The following SH3BP2 variants were observed in gnomAD, a reference collection of about 807,000 sequenced individuals.
SH3BP2 encodes the protein SH3 domain binding protein 2, also known as SH3 domain-binding protein 2.
In SH3BP2, 38 loss-of-function variants were observed where a neutral mutation model predicts 56.2. The ratio of observed to expected loss-of-function variants is 0.68; its 90% CI spans 0.52 to 0.89. The LOEUF is 0.89. Ranked by LOEUF, SH3BP2 falls within the 40% of genes least tolerant of loss-of-function variation. The probability of loss-of-function intolerance (pLI) is 0.00; values close to 1 mark genes in which losing one functional copy is unlikely to be tolerated. For synonymous variants in SH3BP2, 346 were observed against 316.7 expected (o/e 1.09, Z -0.98); for missense variants, 748 against 762.6 (o/e 0.98, Z 0.23).
Position 2,829,652 on chromosome 4 carries a change from T to A in SH3BP2, c.746T>A (p.Leu249Gln). Residue 249 changes from leucine to glutamine, a missense_variant, in exon 8 of 13, where the codon CTG (leucine) becomes CAG (glutamine). By Grantham distance (113) the Leu-to-Gln change is moderately radical (BLOSUM62 -2). Transcript: ENST00000503393. This position sits in a 1 kb window ranked among gnomAD's most constrained non-coding sequence, Gnocchi z 4.9. ...AAGCACGGCCTCCCAGATGTTGGCCTGGCTGCTGAGGACTCCAAGAGGGAC... is the reference window on the plus strand; with the variant it reads ...AAGCACGGCCTCCCAGATGTTGGCCAGGCTGCTGAGGACTCCAAGAGGGAC... ...PPKHGLPDVG[L>Q]AAEDSKRDPL... 2.5e-6 allele frequency: 4 copies of A among 1,612,336 alleles called. No individual in the cohort carries two copies. The highest frequency in any genetic ancestry group is 3.4e-6 in the Non-Finnish European group (4 of 1,179,658).
chr4:2,827,511 C>T lies in SH3BP2; in HGVS notation c.518-95C>T, dbSNP rs528110353. ...CACAGTCCTCCCAGCAGGTGCTTGC[C>T]CCTTGCCTCCTGGACTCAGCCCCAT... On this transcript the variant is annotated intron_variant, in intron 6 of 12. Coordinates refer to ENST00000503393, the MANE Select transcript of SH3BP2 (RefSeq NM_001122681.2). 3.1e-5 allele frequency: 42 copies of T among 1,368,226 alleles called. No individual in the cohort carries two copies. The Admixed American group carries it at 6.7e-4, about 22-fold the overall frequency. The allele number at this position is 1,368,226 out of a possible 1,614,324, so 84.8% of individuals were successfully genotyped here.
At chr4:2,828,133 CA>C (rs1724775551) in intron 7 of SH3BP2, among the ~76,000 whole-genome samples, 1 of 151,618 alleles carries the variant, frequency 6.6e-6, no homozygotes, top group Non-Finnish European at 1.5e-5. Flanking sequence ...TACAGGTGGT[CA>C]CACGTGGATG....
intron 12 of SH3BP2, chr4:2,833,353 G>C: frequency 3.5e-6 from 2 of 573,218 alleles, no homozygotes; most frequent in Admixed American, 6.1e-5. Flanking sequence ...TTCTCAGGCT[G>C]GTTTCAAATT....
At chr4:2,799,007 G>C (rs1490731719) in intron 1 of SH3BP2, 1 of 985,618 alleles carries the variant, frequency 1.0e-6, no homozygotes, top group Non-Finnish European at 1.2e-6. Flanking sequence ...CACGGGGCCT[G>C]GGAAACTCCA....
At chr4:2,827,457 C>T (rs1724732722) in intron 6 of SH3BP2, 139 bp downstream of exon 6, 1 of 1,169,018 alleles carries the variant, frequency 8.6e-7, no homozygotes, top group Non-Finnish European at 1.3e-6. Context: ...CATCCCTGGG[C>T]TCTGGCCTTC....
At chr4:2,801,622 G>A (rs182239502) in intron 1 of SH3BP2, among the ~76,000 whole-genome samples, 7 of 152,288 alleles carry the variant, frequency 4.6e-5, no homozygotes, top group African/African-American at 1.4e-4. Flanking sequence ...CACCTGTGCT[G>A]GCCTGTGAGT....
chr4:2,833,819 C>T lies in SH3BP2; in HGVS notation c.1671C>T (p.Tyr557=), dbSNP rs1439330635. 6.3e-7 allele frequency: 1 copy of T among 1,578,254 alleles called. No homozygotes were observed. Among genetic ancestry groups the T allele is most frequent in the Non-Finnish European group, 8.6e-7 (1 of 1,162,564 alleles). The change falls in exon 13 of 13, where the codon TAC becomes TAT. Residue 557 remains tyrosine, a synonymous_variant. Coordinates refer to ENST00000503393, the MANE Select transcript of SH3BP2 (RefSeq NM_001122681.2). ...QSLLLRHPYG[Y]TGPR ...TGCTGCTGCGGCACCCCTACGGCTACACTGGGCCTAGGTGATGGCAGTCCA... is the reference window on the plus strand; with the variant it reads ...TGCTGCTGCGGCACCCCTACGGCTATACTGGGCCTAGGTGATGGCAGTCCA...
rs1359672233 is a variant in SH3BP2, at chr4:2,818,413, C to T, written c.-4-2201C>T. On this transcript the variant is annotated intron_variant, in intron 1 of 12. Transcript: ENST00000503393. Reference sequence around the variant, plus strand: ...GCCGTGAGTACCGAGCCCCGGCCCCCGAGCCCCGGGACCCGGGCCGCGAGC... The same window carrying T: ...GCCGTGAGTACCGAGCCCCGGCCCCTGAGCCCCGGGACCCGGGCCGCGAGC... 4.3e-6 allele frequency: 5 copies of T among 1,159,186 alleles called. No homozygotes were observed. In the East Asian group the frequency reaches 1.4e-4, roughly 34 times the overall value. The allele number at this position is 1,159,186 out of a possible 1,614,324, so 71.8% of individuals were successfully genotyped here.
intron 1 of SH3BP2, among the ~76,000 whole-genome samples, chr4:2,806,317 G>C (rs1409649155): frequency 6.6e-6 from 1 of 152,184 alleles, no homozygotes; most frequent in Non-Finnish European, 1.5e-5. Flanking sequence ...TTCAGGCCAG[G>C]AGAGGCGAGG....
intron 1 of SH3BP2, among the ~76,000 whole-genome samples, chr4:2,800,043 G>T (rs1723198264): frequency 6.6e-6 from 1 of 152,176 alleles, no homozygotes; most frequent in Admixed American, 6.5e-5. Flanking sequence ...GCGGGGTCTG[G>T]GGAAAGGGTG....
intron 11 of SH3BP2, 47 bp downstream of exon 11, chr4:2,832,459 C>T (rs758505377): frequency 2.0e-6 from 3 of 1,464,970 alleles, no homozygotes; most frequent in East Asian, 4.5e-5. Context: ...GCTCTCCACA[C>T]ACCCAGGCTG....
rs1320618888 is a variant in SH3BP2, at chr4:2,810,611, A to C, written c.-4-10003A>C. On this transcript the variant is annotated intron_variant, in intron 1 of 12. Coordinates refer to ENST00000503393, the MANE Select transcript of SH3BP2 (RefSeq NM_001122681.2). The surrounding 1 kb of genome is among the most constrained non-coding windows in gnomAD (Gnocchi z 4.2). Reference sequence around the variant, plus strand: ...GCGTTGGCCACCTCATTGCCTGTGGATTCCTCCCAACCCTGGGGTGTGCTC... The same window carrying C: ...GCGTTGGCCACCTCATTGCCTGTGGCTTCCTCCCAACCCTGGGGTGTGCTC... 6.6e-6 allele frequency among the ~76,000 whole-genome samples: 1 copy of C among 151,470 alleles called. No homozygotes were observed. Among genetic ancestry groups the C allele is most frequent in the African/African-American group, 2.4e-5 (1 of 41,192 alleles).
intron 1 of SH3BP2, chr4:2,819,033 A>G (rs1724157516): frequency 3.3e-5 from 11 of 331,052 alleles, no homozygotes; most frequent in Non-Finnish European, 4.7e-5. Context: ...TCCTGGCTCA[A>G]TCGATCCTCC....
At chr4:2,805,387 C>T (rs1362056037) in intron 1 of SH3BP2, among the ~76,000 whole-genome samples, 1 of 152,194 alleles carries the variant, frequency 6.6e-6, no homozygotes, top group Non-Finnish European at 1.5e-5. Flanking sequence ...CTCCTGCAGC[C>T]AGGGGTCCCC....
chr4:2,830,255 A>C, intron 8 of SH3BP2, 108 bp downstream of exon 8: 3 of 1,083,452 alleles, frequency 2.8e-6, no homozygotes, highest in Non-Finnish European at 3.9e-6. Context: ...TTAGCCCACG[A>C]CGGGGTACCA....
At chr4:2,817,330 C>T (rs2108720592) in intron 1 of SH3BP2, among the ~76,000 whole-genome samples, 1 of 152,258 alleles carries the variant, frequency 6.6e-6, no homozygotes, top group Non-Finnish European at 1.5e-5. Context: ...AGGGGCCTGG[C>T]AGGGCGGCTG....
At chr4:2,801,147 G>T (rs116471475) in intron 1 of SH3BP2, among the ~76,000 whole-genome samples, 1 of 152,334 alleles carries the variant, frequency 6.6e-6, no homozygotes, top group Non-Finnish European at 1.5e-5. Context: ...GGGGTGCAGA[G>T]AGGCTGCGGC....
intron 1 of SH3BP2, among the ~76,000 whole-genome samples, chr4:2,808,172 C>T (rs1352845533): frequency 6.6e-5 from 10 of 152,318 alleles, no homozygotes; most frequent in Non-Finnish European, 1.5e-4. Context: ...TGTGTTGCCC[C>T]GGTGGCTCTG....
intron 7 of SH3BP2, among the ~76,000 whole-genome samples, chr4:2,828,390 C>T (rs1242748188): frequency 6.6e-6 from 1 of 152,044 alleles, no homozygotes; most frequent in Non-Finnish European, 1.5e-5. Flanking sequence ...GCCTCCCATC[C>T]ACTCCCACCT....
Sources: gnomAD v4.1 joint callset for allele counts (sites outside exome capture counted in the v4.1 genomes callset) on GRCh38, gnomAD v4.1.1 for gene constraint, Gnocchi (gnomAD v3.1) non-coding constraint, MANE v1.5 for transcripts, NCBI Gene and HGNC (gene_info 2026-07-23, HGNC 2026-07-21) for gene names.